The following SCMH1 variants were observed in gnomAD, a reference collection of about 807,000 sequenced individuals.
SCMH1 encodes Scm polycomb group protein homolog 1.
In SCMH1, 37 loss-of-function variants were observed where a neutral mutation model predicts 70.8. The observed-to-expected ratio is 0.52, with a 90% CI of 0.40 to 0.69. The LOEUF (loss-of-function observed/expected upper bound fraction) is 0.69, where lower values mean the gene tolerates loss of function less well. Ranked by LOEUF, SCMH1 falls within the 30% of genes least tolerant of loss-of-function variation. The pLI, the probability that SCMH1 is intolerant of heterozygous loss-of-function variation, is 0.00. For synonymous variants in SCMH1, 292 were observed against 307.4 expected, an observed-to-expected ratio of 0.95 and a Z score of 0.52; for missense variants, 607 against 827.3, an observed-to-expected ratio of 0.73 and a Z score of 3.27.
chr1:41,186,291 AT>A (rs2148638707), intron 1 of SCMH1, 41 bp from the exon 2 acceptor site: 1 of 571,282 alleles, frequency 1.8e-6, no homozygotes, highest in Non-Finnish European at 3.3e-6. Context: ...AAGAACATTT[AT>A]TACCTGTAAA....
At chr1:41,097,099 C>A (rs1351330749) in intron 8 of SCMH1, among the ~76,000 whole-genome samples, 7 of 152,170 alleles carry the variant, frequency 4.6e-5, no homozygotes, top group Non-Finnish European at 8.8e-5. Flanking sequence ...AAATGTATAT[C>A]TAGAAATCAA....
chr1:41,084,504 T>A (rs904953140), intron 8 of SCMH1, among the ~76,000 whole-genome samples: 3 of 152,048 alleles, frequency 2.0e-5, no homozygotes, highest in Admixed American at 6.6e-5. Flanking sequence ...TGTGGAGAAA[T>A]AGGAACACTT....
chr1:41,027,205 C>T (rs1643928038), exon 15 of SCMH1: 1 of 152,202 alleles, frequency 6.6e-6, no homozygotes, highest in African/African-American at 2.4e-5. Context: ...ACACTGGTAT[C>T]TATATTGGTT....
chr1:41,096,439 C>T (rs1435920333), intron 8 of SCMH1, among the ~76,000 whole-genome samples: 1 of 152,174 alleles, frequency 6.6e-6, no homozygotes, highest in African/African-American at 2.4e-5. Flanking sequence ...TACTTACCTA[C>T]AGATTATTGT....
At chr1:41,179,830 C>T (rs980346799) in intron 2 of SCMH1, among the ~76,000 whole-genome samples, 1 of 152,112 alleles carries the variant, frequency 6.6e-6, no homozygotes, top group African/African-American at 2.4e-5. Context: ...TTCCAATCAA[C>T]AGAAAAAGAA....
At chr1:41,157,949 A>C (rs149742029) in intron 4 of SCMH1, among the ~76,000 whole-genome samples, 1 of 152,384 alleles carries the variant, frequency 6.6e-6, no homozygotes. Flanking sequence ...ATAGAGGCTC[A>C]ATATGAGTTT....
intron 4 of SCMH1, among the ~76,000 whole-genome samples, chr1:41,156,124 G>A: frequency 6.6e-6 from 1 of 151,520 alleles, no homozygotes; most frequent in Admixed American, 6.6e-5. Context: ...GCTCTTTATA[G>A]TCAGCCAACA....
At chr1:41,084,530 T>G (rs11209489) in intron 8 of SCMH1, among the ~76,000 whole-genome samples, 129,098 of 152,006 alleles carry the variant, frequency 0.85, 55,311 homozygotes, top group East Asian at 0.97. Flanking sequence ...CTGTTGGTGG[T>G]ACGGTAAACT....
intron 10 of SCMH1, among the ~76,000 whole-genome samples, chr1:41,054,003 C>T (rs1321175789): frequency 1.3e-5 from 2 of 152,112 alleles, no homozygotes; most frequent in African/African-American, 4.8e-5. Flanking sequence ...CGCCACCACA[C>T]CTGGCTAATT....
intron 5 of SCMH1, among the ~76,000 whole-genome samples, chr1:41,146,064 T>C (rs989861065): frequency 6.6e-6 from 1 of 152,166 alleles, no homozygotes; most frequent in Non-Finnish European, 1.5e-5. Context: ...ATTGTTACCA[T>C]AGGAGATTAC....
At chr1:41,064,588 T>C (rs372062077) in intron 10 of SCMH1, among the ~76,000 whole-genome samples, 1 of 152,098 alleles carries the variant, frequency 6.6e-6, no homozygotes, top group Non-Finnish European at 1.5e-5. Context: ...CTTTCCTATA[T>C]AGCAGCAATG....
intron 6 of SCMH1, among the ~76,000 whole-genome samples, chr1:41,128,223 T>G (rs1673704808): frequency 1.3e-5 from 2 of 152,200 alleles, no homozygotes; most frequent in African/African-American, 4.8e-5. Flanking sequence ...TTATTATATG[T>G]ACACTACAAA....
intron 4 of SCMH1, among the ~76,000 whole-genome samples, chr1:41,158,649 G>A (rs1347553420): frequency 2.6e-5 from 4 of 152,178 alleles, no homozygotes; most frequent in Non-Finnish European, 5.9e-5. Context: ...TCATTAGCGA[G>A]CCAAATATAC....
chr1:41,119,548 C>T (rs74069017), intron 6 of SCMH1, among the ~76,000 whole-genome samples: 2,030 of 152,186 alleles, frequency 0.013, 46 homozygotes, highest in African/African-American at 0.046. Flanking sequence ...AAACACAATG[C>T]TGTTTAAGAG....
intron 1 of SCMH1, among the ~76,000 whole-genome samples, chr1:41,201,725 G>C (rs1182905276): frequency 6.6e-6 from 1 of 152,188 alleles, no homozygotes; most frequent in African/African-American, 2.4e-5. Context: ...CTCTAGCGAA[G>C]TGACTTAAGA....
chr1:41,230,848 AC>A (rs1404993109), intron 1 of SCMH1, among the ~76,000 whole-genome samples: 4 of 152,132 alleles, frequency 2.6e-5, no homozygotes, highest in Non-Finnish European at 5.9e-5. Flanking sequence ...TTTTTTTGGC[AC>A]ATGGTACTTT....
intron 8 of SCMH1, among the ~76,000 whole-genome samples, chr1:41,079,951 T>C (rs751425167): frequency 7.2e-5 from 11 of 152,186 alleles, no homozygotes; most frequent in Admixed American, 3.3e-4. Flanking sequence ...CTTAAACCCA[T>C]GCAATGAGTT....
chr1:41,142,571 A>G (rs1293283592), intron 6 of SCMH1, among the ~76,000 whole-genome samples: 2 of 152,066 alleles, frequency 1.3e-5, no homozygotes, highest in Admixed American at 6.5e-5. Context: ...ATGCTTTTTG[A>G]GATAGGTTAA....
chr1:41,034,142 C>G, intron 13 of SCMH1, 94 bp from the exon 14 acceptor site: 3 of 1,513,162 alleles, frequency 2.0e-6, no homozygotes, highest in South Asian at 1.3e-5. Flanking sequence ...ATGACTGACT[C>G]AAGTCTCAAA....
Sources: allele counts gnomAD v4.1 joint callset (sites outside exome capture counted in the v4.1 genomes callset), GRCh38; gene constraint gnomAD v4.1.1; transcripts MANE v1.5; gene names NCBI Gene and HGNC (gene_info 2026-07-23, HGNC 2026-07-21).